The following KLRG1 variants were observed in gnomAD, a reference collection of about 807,000 sequenced individuals.
KLRG1 encodes the protein killer cell lectin like receptor G1.
In KLRG1, 16 loss-of-function variants were observed where a neutral mutation model predicts 21.8. That is an observed-to-expected ratio of 0.73 (90% CI 0.50 to 1.11). The LOEUF is 1.11. Ranked by LOEUF, KLRG1 falls within the 50% of genes most tolerant of loss-of-function variation. KLRG1 has a pLI of 0.00. For synonymous variants in KLRG1, 69 were observed against 75.9 expected (o/e 0.91, Z 0.47); for missense variants, 173 against 218.3 (o/e 0.79, Z 1.31).
At position 8,958,626 on chromosome 12, in the gene KLRG1, A is replaced by G. The variant is rs570646020; in HGVS notation, c.-156+8390A>G. 1.7e-3 allele frequency among the ~76,000 whole-genome samples: 255 copies of G among 151,632 alleles called. 1 individual carries two copies. Among genetic ancestry groups the G allele is most frequent in the Non-Finnish European group, 3.2e-3 (218 of 67,864 alleles). On this transcript the variant is annotated intron_variant, in intron 1 of 4. Coordinates refer to the KLRG1 transcript ENST00000539240. ...AATCTCAGCACTTTGGGAGGCTGAG[A>G]TGGGAGGATCACTTGGGCTCAGGAT...
At chr12:8,981,649 G>C (rs1191150130) in intron 1 of KLRG1, among the ~76,000 whole-genome samples, 2 of 151,970 alleles carry the variant, frequency 1.3e-5, no homozygotes, top group Non-Finnish European at 2.9e-5. Flanking sequence ...TATTATGGCT[G>C]AGTATGTAAT....
At chr12:8,994,113 G>A (rs916654266) in intron 2 of KLRG1, among the ~76,000 whole-genome samples, 3 of 152,150 alleles carry the variant, frequency 2.0e-5, no homozygotes, top group Non-Finnish European at 4.4e-5. Context: ...CGCCCAGGCA[G>A]GAGTGCAGTG....
At chr12:9,051,966 C>CTA in the KLRG1 span, among the ~76,000 whole-genome samples, 1 of 152,212 alleles carries the variant, frequency 6.6e-6, no homozygotes, top group African/African-American at 2.4e-5. Flanking sequence ...AAATACAGCA[C>CTA]TATGCACGAA....
the KLRG1 span, among the ~76,000 whole-genome samples, chr12:9,087,041 TA>T: frequency 6.6e-6 from 1 of 152,086 alleles, no homozygotes; most frequent in East Asian, 1.9e-4. Flanking sequence ...ACAATAGCTA[TA>T]AACAATATGT....
the KLRG1 span, among the ~76,000 whole-genome samples, chr12:9,156,889 A>T: frequency 2.0e-5 from 3 of 151,974 alleles, no homozygotes; most frequent in Non-Finnish European, 2.9e-5. Flanking sequence ...CACAGTTTTT[A>T]AAAAAACTTT....
chr12:9,115,774 A>G, the KLRG1 span: 6 of 1,613,078 alleles, frequency 3.7e-6, no homozygotes, highest in Non-Finnish European at 3.4e-6. Context: ...GGTTTTCCAG[A>G]GACTGAGGCG....
At chr12:9,164,563 A>T in the KLRG1 span, among the ~76,000 whole-genome samples, 223 of 152,302 alleles carry the variant, frequency 1.5e-3, 4 homozygotes, top group South Asian at 0.045. Context: ...ATCTGCTGCT[A>T]TGTAGATTTT....
At chr12:9,047,356 CAGACTT>C in the KLRG1 span, among the ~76,000 whole-genome samples, 1 of 152,150 alleles carries the variant, frequency 6.6e-6, no homozygotes, top group African/African-American at 2.4e-5. Flanking sequence ...TATTTGAAAA[CAGACTT>C]AGATTAGTTG....
the KLRG1 span, among the ~76,000 whole-genome samples, chr12:9,084,740 T>C: frequency 3.7e-4 from 57 of 152,164 alleles, no homozygotes; most frequent in South Asian, 0.011. Context: ...AGTGACTGAA[T>C]GGATTTAAAA....
At chr12:9,037,336 A>G in the KLRG1 span, 1 of 152,592 alleles carries the variant, frequency 6.6e-6, no homozygotes. Context: ...AAGGTGATCA[A>G]AACAAAGGCT....
At chr12:8,965,097 C>G (rs1358935894) in intron 1 of KLRG1, among the ~76,000 whole-genome samples, 1 of 152,176 alleles carries the variant, frequency 6.6e-6, no homozygotes, top group Non-Finnish European at 1.5e-5. Context: ...ACATGATTAT[C>G]TCAATAGATG....
At chr12:9,021,302 C>T in the KLRG1 span, among the ~76,000 whole-genome samples, 7 of 152,016 alleles carry the variant, frequency 4.6e-5, no homozygotes, top group African/African-American at 1.5e-4. Flanking sequence ...AAATATTGTA[C>T]GTTTAAGCTA....
At chr12:9,149,357 T>C in the KLRG1 span, among the ~76,000 whole-genome samples, 11 of 152,352 alleles carry the variant, frequency 7.2e-5, no homozygotes, top group African/African-American at 2.6e-4. Context: ...ACAAAGCTTA[T>C]TGACTTTTCT....
At chr12:8,988,180 A>G (rs1946876932), upstream of KLRG1, 1 of 152,270 alleles carries the variant, frequency 6.6e-6, no homozygotes, top group Non-Finnish European at 1.5e-5. Flanking sequence ...AATTCCAGCC[A>G]TTTAAGCAGC....
chr12:8,951,661 A>C (rs1946208149), intron 1 of KLRG1, among the ~76,000 whole-genome samples: 1 of 152,236 alleles, frequency 6.6e-6, no homozygotes. Flanking sequence ...ACTATGTGCC[A>C]AAACCACAGA....
intron 3 of KLRG1, among the ~76,000 whole-genome samples, chr12:9,007,127 T>C (rs1274662247): frequency 6.6e-6 from 1 of 152,208 alleles, no homozygotes; most frequent in African/African-American, 2.4e-5. Flanking sequence ...AGTCATGTCC[T>C]GAATGGAAAC....
At chr12:9,138,884 CA>C in the KLRG1 span, among the ~76,000 whole-genome samples, 9 of 150,724 alleles carry the variant, frequency 6.0e-5, no homozygotes, top group African/African-American at 2.2e-4. Flanking sequence ...TTATTTTTTT[CA>C]AAAAACCCAC....
upstream of KLRG1, chr12:8,989,535 G>A: frequency 1.4e-6 from 1 of 720,362 alleles, no homozygotes; most frequent in Non-Finnish European, 2.4e-6. Context: ...GAAGTTTCCT[G>A]CTAGCAGTTT....
chr12:9,153,045 C>G, the KLRG1 span: 1 of 1,604,576 alleles, frequency 6.2e-7, no homozygotes, highest in African/African-American at 1.3e-5. Context: ...TTTTACTTTC[C>G]CAGGAAGGAA....
Sources: allele counts gnomAD v4.1 joint callset (sites outside exome capture counted in the v4.1 genomes callset), GRCh38; gene constraint gnomAD v4.1.1; transcripts MANE v1.5; gene names NCBI Gene and HGNC (gene_info 2026-07-23, HGNC 2026-07-21).